The following ADAMTS19 variants were observed in gnomAD, a reference collection of about 807,000 sequenced individuals.
The protein encoded by ADAMTS19 is A disintegrin and metalloproteinase with thrombospondin motifs 19.
Under a neutral mutation model 153.3 loss-of-function variants are expected in ADAMTS19, and 93 were observed. The ratio of observed to expected loss-of-function variants is 0.61; its 90% CI spans 0.51 to 0.72. ADAMTS19 has a LOEUF of 0.72. Ranked by LOEUF, ADAMTS19 falls within the 30% of genes least tolerant of loss-of-function variation. The pLI is 0.00. For synonymous variants in ADAMTS19, 600 were observed against 556.6 expected, an observed-to-expected ratio of 1.08 and a Z score of -1.10; for missense variants, 1,482 against 1,552.1, an observed-to-expected ratio of 0.95 and a Z score of 0.76.
At chr5:129,536,742 A>T (rs190692055) in intron 6 of ADAMTS19, among the ~76,000 whole-genome samples, 7 of 152,220 alleles carry the variant, frequency 4.6e-5, no homozygotes, top group South Asian at 2.1e-4. Context: ...TAAAAAATGA[A>T]GAGTTCATGT....
At chr5:129,624,806 ATTAT>A (rs767495455) in intron 10 of ADAMTS19, among the ~76,000 whole-genome samples, 2 of 152,168 alleles carry the variant, frequency 1.3e-5, no homozygotes, top group South Asian at 4.2e-4. Flanking sequence ...AATGTGTTTA[ATTAT>A]TTATTTTATG....
intron 10 of ADAMTS19, among the ~76,000 whole-genome samples, chr5:129,631,359 T>A (rs1752282663): frequency 6.6e-6 from 1 of 151,826 alleles, no homozygotes; most frequent in African/African-American, 2.4e-5. Context: ...AAATATTAAT[T>A]AGGTCAAGGT....
At chr5:129,587,577 T>C (rs1350173786) in intron 7 of ADAMTS19, among the ~76,000 whole-genome samples, 2 of 152,210 alleles carry the variant, frequency 1.3e-5, no homozygotes, top group Non-Finnish European at 2.9e-5. Context: ...AATTTGGGAC[T>C]GTATTGTGTC....
At chr5:129,707,603 T>C (rs2127173618) in intron 21 of ADAMTS19, among the ~76,000 whole-genome samples, 1 of 152,256 alleles carries the variant, frequency 6.6e-6, no homozygotes, top group Middle Eastern at 3.4e-3. Flanking sequence ...ATGCCATGAT[T>C]AAGTTTCAGT....
At chr5:129,552,464 G>C (rs1753157602) in intron 7 of ADAMTS19, among the ~76,000 whole-genome samples, 1 of 151,442 alleles carries the variant, frequency 6.6e-6, no homozygotes. Context: ...TCACATATAT[G>C]TTCATGTTTT....
intron 19 of ADAMTS19, among the ~76,000 whole-genome samples, chr5:129,697,062 A>G (rs1755591089): frequency 1.3e-5 from 2 of 152,158 alleles, no homozygotes; most frequent in Admixed American, 1.3e-4. Context: ...AAAGTATGTC[A>G]AATTATGGGG....
intron 7 of ADAMTS19, among the ~76,000 whole-genome samples, chr5:129,584,570 C>T (rs1749688345): frequency 6.6e-6 from 1 of 152,194 alleles, no homozygotes; most frequent in Admixed American, 6.5e-5. Context: ...GGGGCTGCTG[C>T]CCTTCTTTCA....
intron 6 of ADAMTS19, among the ~76,000 whole-genome samples, chr5:129,529,228 T>C (rs1354611561): frequency 3.3e-5 from 5 of 152,156 alleles, no homozygotes; most frequent in Admixed American, 6.6e-5. Flanking sequence ...ATATGATTAC[T>C]ATATTTAATA....
At chr5:129,733,499 C>G (rs1757534074) in intron 21 of ADAMTS19, among the ~76,000 whole-genome samples, 1 of 151,928 alleles carries the variant, frequency 6.6e-6, no homozygotes, top group Non-Finnish European at 1.5e-5. Flanking sequence ...GGGCAAAGGA[C>G]ATGAACACAC....
intron 7 of ADAMTS19, among the ~76,000 whole-genome samples, chr5:129,587,211 TCTA>T (rs1269328090): frequency 6.6e-6 from 1 of 152,170 alleles, no homozygotes; most frequent in Non-Finnish European, 1.5e-5. Context: ...GAGATCATAA[TCTA>T]CTAATCTCAA....
At chr5:129,544,272 A>G (rs753038142) in intron 6 of ADAMTS19, among the ~76,000 whole-genome samples, 4 of 152,194 alleles carry the variant, frequency 2.6e-5, no homozygotes, top group Non-Finnish European at 4.4e-5. Context: ...GTTGAAAGAC[A>G]TTTTTGAAAA....
chr5:129,675,655 T>G (rs1581214848), intron 16 of ADAMTS19, among the ~76,000 whole-genome samples: 1 of 152,210 alleles, frequency 6.6e-6, no homozygotes, highest in African/African-American at 2.4e-5. Flanking sequence ...TGAAATTTGA[T>G]TTTTCATAGT....
At chr5:129,608,540 C>T (rs1417630307) in intron 8 of ADAMTS19, among the ~76,000 whole-genome samples, 1 of 152,050 alleles carries the variant, frequency 6.6e-6, no homozygotes. Context: ...ATTTGGCACT[C>T]ATTTGCATTG....
chr5:129,697,348 A>G (rs1412258878), intron 19 of ADAMTS19, among the ~76,000 whole-genome samples: 5 of 152,112 alleles, frequency 3.3e-5, no homozygotes, highest in Non-Finnish European at 7.4e-5. Context: ...GGTCCATTCA[A>G]TCAGCTGGGG....
At chr5:129,524,012 T>TAA (rs1751916361) in intron 3 of ADAMTS19, among the ~76,000 whole-genome samples, 1 of 152,076 alleles carries the variant, frequency 6.6e-6, no homozygotes, top group Non-Finnish European at 1.5e-5. Context: ...AAGACAATCC[T>TAA]AAGCAAAAAG....
chr5:129,725,333 T>C (rs1462386673), intron 21 of ADAMTS19, among the ~76,000 whole-genome samples: 2 of 152,022 alleles, frequency 1.3e-5, no homozygotes, highest in East Asian at 3.9e-4. Flanking sequence ...CCCCAGTTCT[T>C]CTTTTGGGGT....
At chr5:129,618,321 G>T (rs541179938) in intron 8 of ADAMTS19, among the ~76,000 whole-genome samples, 2 of 151,948 alleles carry the variant, frequency 1.3e-5, no homozygotes, top group African/African-American at 4.8e-5. Context: ...AAATTAATTA[G>T]AATAGGAAAG....
At chr5:129,640,637 G>A (rs771230376) in intron 10 of ADAMTS19, among the ~76,000 whole-genome samples, 1 of 151,902 alleles carries the variant, frequency 6.6e-6, no homozygotes, top group Admixed American at 6.6e-5. Flanking sequence ...TTTCAGCCTT[G>A]TTCTTTACTA....
At chr5:129,522,430 A>G (rs1478380360) in intron 3 of ADAMTS19, among the ~76,000 whole-genome samples, 2 of 141,156 alleles carry the variant, frequency 1.4e-5, no homozygotes, top group Non-Finnish European at 3.0e-5. Flanking sequence ...TTTACTTTTA[A>G]CTATAGTGAT....
Sources: allele counts gnomAD v4.1 joint callset (sites outside exome capture counted in the v4.1 genomes callset), GRCh38; gene constraint gnomAD v4.1.1; transcripts MANE v1.5; gene names NCBI Gene and HGNC (gene_info 2026-07-23, HGNC 2026-07-21).